The following PIKFYVE variants were observed in gnomAD, a reference collection of about 807,000 sequenced individuals.
PIKFYVE encodes phosphoinositide kinase, FYVE-type zinc finger containing, also known as 1-phosphatidylinositol 3-phosphate 5-kinase.
Under a neutral mutation model 257.9 loss-of-function variants are expected in PIKFYVE, and 122 were observed. The observed-to-expected ratio is 0.47, with a 90% CI of 0.41 to 0.55. PIKFYVE has a LOEUF of 0.55. Among genes scored for constraint, PIKFYVE ranks in the 20% least tolerant of loss-of-function variants. PIKFYVE has a pLI of 0.00. For synonymous variants in PIKFYVE, 892 were observed against 868.9 expected (o/e 1.03, Z -0.47); for missense variants, 2,160 against 2,536.6 (o/e 0.85, Z 3.19).
chr2:208,325,546 C>T lies in PIKFYVE; in HGVS notation c.2735C>T (p.Pro912Leu). 1 of 1,614,038 alleles carries T rather than the reference C, an allele frequency of 6.2e-7. No individual in the cohort carries two copies. Among genetic ancestry groups the T allele is most frequent in the African/African-American group, 1.3e-5 (1 of 75,010 alleles). ...VQEQYGGGSI[P>L]WDPDIPPESL... ...GAGCAGTACGGTGGAGGTTCCATCCCCTGGGATCCTGACATCCCTCCTGAG... is the reference window on the plus strand; with the variant it reads ...GAGCAGTACGGTGGAGGTTCCATCCTCTGGGATCCTGACATCCCTCCTGAG... Residue 912 changes from proline (P) to leucine (L), a missense_variant, in exon 20 of 42, where the codon CCC (proline) becomes CTC (leucine). Physicochemically the swap from Pro to Leu is moderately conservative, Grantham distance 98 (BLOSUM62 -3). Around this residue, in one of 12 missense-constraint regions of PIKFYVE, gnomAD observed 522 missense variants for 514.6 expected, o/e 1.01. Transcript: ENST00000264380.
intron 12 of PIKFYVE, among the ~76,000 whole-genome samples, chr2:208,306,358 A>T (rs1051805060): frequency 6.6e-6 from 1 of 152,188 alleles, no homozygotes; most frequent in African/African-American, 2.4e-5. Flanking sequence ...CACTTGGAGG[A>T]TATTATGAAG....
rs1696879689 is a variant in PIKFYVE at position 208,325,942 on chromosome 2, C to G, written c.3131C>G (p.Ala1044Gly). ...SEDKRKTYSLAFKQELKDVIL... is the reference protein window; with the variant it reads ...SEDKRKTYSLGFKQELKDVIL... ...GATAAACGAAAGACTTATTCTTTGGCCTTTAAGCAGGAATTAAAAGATGTG... is the reference window on the plus strand; with the variant it reads ...GATAAACGAAAGACTTATTCTTTGGGCTTTAAGCAGGAATTAAAAGATGTG... Residue 1044 changes from alanine (A) to glycine (G), a missense_variant, in exon 20 of 42, where the codon GCC (alanine) becomes GGC (glycine). This residue lies in a region of PIKFYVE where 522 missense variants were observed against 514.6 expected (regional missense o/e 1.01). Transcript: ENST00000264380. 2 of 1,614,016 alleles carry G rather than the reference C, an allele frequency of 1.2e-6. No individual in the cohort carries two copies. The highest frequency in any genetic ancestry group is 3.3e-5 in the Admixed American group (2 of 60,018).
chr2:208,273,478 A>T lies in PIKFYVE; in HGVS notation c.173-106A>T. The T allele has an allele frequency of 5.3e-6, 7 of 1,328,068 alleles. 1 individual carries two copies. The South Asian group carries it at 6.3e-5, about 12-fold the overall frequency. 82.3% of individuals were successfully genotyped at this position (1,328,068 alleles called of 1,614,324 possible). On this transcript the variant is annotated intron_variant, in intron 2 of 41. Coordinates refer to ENST00000264380, the MANE Select transcript of PIKFYVE (RefSeq NM_015040.4). ...AAAAGGAAAAAAAAAATTTTTAGTT[A>T]CGCATATAATACATGCATACATTGT...
intron 20 of PIKFYVE, among the ~76,000 whole-genome samples, chr2:208,327,739 A>C (rs375716925): frequency 2.0e-5 from 3 of 152,144 alleles, no homozygotes; most frequent in African/African-American, 7.2e-5. Flanking sequence ...TACTGTTTCA[A>C]TTTTAACAGA....
At chr2:208,351,536 G>A (rs528216003) in intron 38 of PIKFYVE, 81 bp downstream of exon 38, 3 of 1,162,896 alleles carry the variant, frequency 2.6e-6, no homozygotes, top group Admixed American at 3.4e-5. Flanking sequence ...GTCTATTCTT[G>A]TGTTGCTATA....
rs1361026159 is a variant in PIKFYVE, at chr2:208,333,443, T to C, written c.4092T>C (p.His1364=). ...ANAEPCGHSI[H]HDYHQYFSYN... is the part of the protein sequence containing the mutation. The stretch of plus-strand genomic sequence containing the variant: ...CTGAGCCCTGTGGTCACTCCATCCA[T>C]CATGATTATCACCAGTATTTCTCCT... The change falls in exon 24 of 42, where the codon CAT becomes CAC. Residue 1364 remains histidine, a synonymous_variant. Coordinates refer to ENST00000264380, the MANE Select transcript of PIKFYVE (RefSeq NM_015040.4). The C allele has an allele frequency of 6.2e-7, 1 of 1,614,090 alleles. No individual in the cohort carries two copies. The highest frequency in any genetic ancestry group is 1.1e-5 in the South Asian group (1 of 91,080).
At chr2:208,294,166 A>G (rs1692672714) in intron 7 of PIKFYVE, among the ~76,000 whole-genome samples, 1 of 152,140 alleles carries the variant, frequency 6.6e-6, no homozygotes, top group Non-Finnish European at 1.5e-5. Flanking sequence ...CTCAAGTTCA[A>G]AGATTCTTTC....
chr2:208,283,194 G>A lies in PIKFYVE; in HGVS notation c.614-2532G>A, dbSNP rs188082124. On this transcript the variant is annotated intron_variant, in intron 5 of 41. Transcript: ENST00000264380. ...AATAAATACAAATAACTAGAAAAAT[G>A]TCTAGTACATGGAAAGGGATCAATG... is the stretch of plus-strand genomic sequence containing the variant. Among the ~76,000 whole-genome samples, 486 of 152,292 alleles carry A rather than the reference G, an allele frequency of 3.2e-3. 2 individuals are homozygous for A. The highest frequency in any genetic ancestry group is 4.1e-3 in the Non-Finnish European group (280 of 68,026).
At position 208,348,436 on chromosome 2, in the gene PIKFYVE, T is replaced by G. The variant is rs142875107; in HGVS notation, c.5374+413T>G. ...TAAAGTTGCAGCTATTTATGTCCCC[T>G]TTCATTTTGACATTTAAAAATTATG... On this transcript the variant is annotated intron_variant, in intron 35 of 41. Transcript: ENST00000264380. 2.7e-3 allele frequency among the ~76,000 whole-genome samples: 404 copies of G among 152,318 alleles called. 1 individual carries two copies. The highest frequency in any genetic ancestry group is 8.8e-3 in the African/African-American group (365 of 41,568).
intron 3 of PIKFYVE, 122 bp downstream of exon 3, chr2:208,273,855 T>C: frequency 7.1e-7 from 1 of 1,408,374 alleles, no homozygotes; most frequent in Admixed American, 1.8e-5. Context: ...AAGATACTAT[T>C]TGAAATAGTC....
intron 12 of PIKFYVE, among the ~76,000 whole-genome samples, chr2:208,308,689 T>A (rs1004441652): frequency 9.4e-5 from 14 of 148,762 alleles, no homozygotes; most frequent in Non-Finnish European, 1.9e-4. Context: ...TGTAAGAGCT[T>A]ATGATAACAC....
intron 16 of PIKFYVE, among the ~76,000 whole-genome samples, chr2:208,319,737 CTTT>C (rs991206782): frequency 5.3e-4 from 80 of 152,248 alleles, no homozygotes; most frequent in African/African-American, 1.9e-3. Flanking sequence ...TTCAGATTTT[CTTT>C]TTGAACTTCA....
At position 208,338,548 on chromosome 2, in the gene PIKFYVE, G is replaced by A. The variant is rs769365502; in HGVS notation, c.4652G>A (p.Gly1551Glu). Residue 1551 changes from glycine (G) to glutamate (E), a missense_variant, in exon 29 of 42, where the codon GGA (glycine) becomes GAA (glutamate). By Grantham distance (98) the Gly-to-Glu change is moderately conservative. Coordinates refer to ENST00000264380, the MANE Select transcript of PIKFYVE (RefSeq NM_015040.4). The part of the protein sequence containing the change: ...MDASPRNISP[G>E]LQNGEKEDRF... ...GCATCTCCACGGAATATTTCTCCAGGACTTCAGAATGGAGAAAAAGGTTGG... is the reference window on the plus strand; with the variant it reads ...GCATCTCCACGGAATATTTCTCCAGAACTTCAGAATGGAGAAAAAGGTTGG... The A allele has an allele frequency of 6.2e-7, 1 of 1,613,240 alleles. No homozygotes were observed. The highest frequency in any genetic ancestry group is 8.5e-7 in the Non-Finnish European group (1 of 1,179,356).
At position 208,288,833 on chromosome 2, in the gene PIKFYVE, G is replaced by A. The variant is rs930326060; in HGVS notation, c.911+15G>A. 9 of 1,612,850 alleles carry A rather than the reference G, an allele frequency of 5.6e-6. No individual in the cohort carries two copies. The African/African-American group carries it at 1.1e-4, about 19-fold the overall frequency. On this transcript the variant is annotated intron_variant, in intron 7 of 41. Coordinates refer to ENST00000264380, the MANE Select transcript of PIKFYVE (RefSeq NM_015040.4). ...GCTCGAAATAGGTAAACTGACAAAT[G>A]AAAACACTGTGCTCTCTGATGTTTA...
intron 34 of PIKFYVE, among the ~76,000 whole-genome samples, chr2:208,346,680 T>C (rs1013701520): frequency 2.0e-5 from 3 of 152,228 alleles, no homozygotes; most frequent in African/African-American, 7.2e-5. Flanking sequence ...AGGAACACAT[T>C]CAGCTACAAG....
chr2:208,353,967 G>A lies in PIKFYVE; in HGVS notation c.5914G>A (p.Val1972Met). The A allele has an allele frequency of 6.2e-7, 1 of 1,614,026 alleles. No homozygotes were observed. Among genetic ancestry groups the A allele is most frequent in the Non-Finnish European group, 8.5e-7 (1 of 1,179,942 alleles). ...KTDTGKESCD[V>M]VLLDENLLKM... ...TGACACTGGAAAAGAGAGTTGTGATGTGGTCCTGCTAGATGAAAATCTCCT... is the reference window on the plus strand; with the variant it reads ...TGACACTGGAAAAGAGAGTTGTGATATGGTCCTGCTAGATGAAAATCTCCT... Residue 1972 changes from valine (V) to methionine (M), a missense_variant, in exon 40 of 42, where the codon GTG (valine) becomes ATG (methionine). Val to Met is a conservative substitution (Grantham distance 21). Coordinates refer to ENST00000264380, the MANE Select transcript of PIKFYVE (RefSeq NM_015040.4).
chr2:208,302,946 G>T (rs1466361537), intron 10 of PIKFYVE, among the ~76,000 whole-genome samples: 1 of 152,026 alleles, frequency 6.6e-6, no homozygotes, highest in Non-Finnish European at 1.5e-5. Flanking sequence ...GCCAGGCATG[G>T]TGGTGGACAC....
chr2:208,318,048 A>G (rs1695756237), intron 16 of PIKFYVE, 107 bp downstream of exon 16: 3 of 1,188,902 alleles, frequency 2.5e-6, no homozygotes, highest in Non-Finnish European at 3.7e-6. Flanking sequence ...GGACAATGAA[A>G]GGCAGCTGTG....
In PIKFYVE at chr2:208,355,504, G is replaced by A. The variant is rs562411040; in HGVS notation, c.*199G>A. 49 of 551,368 alleles carry A rather than the reference G, an allele frequency of 8.9e-5. No individual in the cohort carries two copies. Among genetic ancestry groups the A allele is most frequent in the African/African-American group, 7.2e-4 (38 of 52,796 alleles). The allele number at this position is 551,368 out of a possible 1,614,324, so 34.2% of individuals were successfully genotyped here. A position where few individuals can be genotyped will look rare whatever the true frequency, so the allele number is the denominator to read the frequency against. On this transcript the variant is annotated 3_prime_UTR_variant, in exon 42 of 42. Transcript: ENST00000264380. ...CACTTTGGTTTTTGATACCTGTGGA[G>A]CTGTCTGTAGGTTGGGAAGTGGCAT...
Sources: allele counts gnomAD v4.1 joint callset (sites outside exome capture counted in the v4.1 genomes callset), GRCh38; gene constraint gnomAD v4.1.1; regional missense constraint gnomAD v4.1.1; transcripts MANE v1.5; gene names NCBI Gene and HGNC (gene_info 2026-07-23, HGNC 2026-07-21).